The following ASXL3 variants were observed in gnomAD, a reference collection of about 807,000 sequenced individuals.
ASXL3 encodes putative Polycomb group protein ASXL3.
A neutral mutation model predicts 170.6 loss-of-function variants in ASXL3; 34 were observed. The ratio of observed to expected loss-of-function variants is 0.20; its 90% CI spans 0.15 to 0.27. The LOEUF (loss-of-function observed/expected upper bound fraction) is 0.27, where lower values mean the gene tolerates loss of function less well. Ranked by LOEUF, ASXL3 falls within the 10% of genes least tolerant of loss-of-function variation. The probability of loss-of-function intolerance (pLI) is 1.00; values close to 1 mark genes in which losing one functional copy is unlikely to be tolerated. For synonymous variants in ASXL3, 1,002 were observed against 989.1 expected, an observed-to-expected ratio of 1.01 and a Z score of -0.24; for missense variants, 2,592 against 2,695.3, an observed-to-expected ratio of 0.96 and a Z score of 0.85.
In ASXL3 at chr18:33,747,143, G is replaced by A. The variant is rs1274595760; in HGVS notation, c.*548G>A. ...CTATCACAAAAGATATATTAAAGGA[G>A]GTATGCCATTAATGAAATCCACTGT... On this transcript the variant is annotated 3_prime_UTR_variant, in exon 12 of 12. Coordinates refer to ENST00000269197, the MANE Select transcript of ASXL3 (RefSeq NM_030632.3). 1.3e-5 allele frequency: 2 copies of A among 152,244 alleles called. No homozygotes were observed. Among genetic ancestry groups the A allele is most frequent in the Non-Finnish European group, 2.9e-5 (2 of 68,096 alleles). The allele number at this position is 152,244 out of a possible 1,614,324, so 9.4% of individuals were successfully genotyped here.
In ASXL3 at chr18:33,744,354, C is replaced by A; in HGVS notation, c.4506C>A (p.Gly1502=). 3 of 1,613,960 alleles carry A rather than the reference C, an allele frequency of 1.9e-6. No homozygotes were observed. The highest frequency in any genetic ancestry group is 2.5e-6 in the Non-Finnish European group (3 of 1,179,870). The change falls in exon 12 of 12, where the codon GGC becomes GGA. Residue 1502 remains glycine (G), a synonymous_variant. Coordinates refer to ENST00000269197, the MANE Select transcript of ASXL3 (RefSeq NM_030632.3). ...CAGAAGCCAGCTTGGACCTGCAGGG[C>A]AGACCAGTGAGGACAGAGGCATCCG... ...ESSEASLDLQ[G]RPVRTEASVQ...
At chr18:33,741,807 A>G (rs886953078) in intron 11 of ASXL3, among the ~76,000 whole-genome samples, 8 of 152,180 alleles carry the variant, frequency 5.3e-5, no homozygotes, top group African/African-American at 1.9e-4. Flanking sequence ...TCCCAAGGCA[A>G]ACTACTTTAC....
At chr18:33,729,287 T>A (rs765316643) in intron 8 of ASXL3, among the ~76,000 whole-genome samples, 11 of 151,896 alleles carry the variant, frequency 7.2e-5, no homozygotes, top group South Asian at 2.1e-4. Context: ...AGCAGGAGAG[T>A]GAAGCATTTT....
chr18:33,735,962 A>C (rs559513541), intron 10 of ASXL3, among the ~76,000 whole-genome samples: 16 of 151,360 alleles, frequency 1.1e-4, no homozygotes, highest in African/African-American at 3.9e-4. Flanking sequence ...ATAATCATTG[A>C]GTATACACTG....
Position 33,739,514 on chromosome 18 carries a change from G to C in ASXL3, c.2110G>C (p.Ala704Pro). The C allele has an allele frequency of 6.2e-7, 1 of 1,613,868 alleles. No individual in the cohort carries two copies. The change falls in exon 11 of 12, where the codon GCA (alanine) becomes CCA (proline). Residue 704 changes from alanine (A) to proline (P), a missense_variant. By Grantham distance (27) the Ala-to-Pro change is conservative. This residue lies in a region of ASXL3 where 2,246 missense variants were observed against 2,219.6 expected (regional missense o/e 1.01). Coordinates refer to ENST00000269197, the MANE Select transcript of ASXL3 (RefSeq NM_030632.3). Reference protein sequence around the residue: ...LMSNLPLTSEASPVSNLPLTS... With the variant: ...LMSNLPLTSEPSPVSNLPLTS... The stretch of plus-strand genomic sequence containing the variant: ...GTCCAACTTACCATTAACATCTGAA[G>C]CATCACCAGTATCCAACTTACCTTT...
Position 33,745,313 on chromosome 18 carries a change from A to C in ASXL3, c.5465A>C (p.Lys1822Thr), listed in dbSNP as rs2067760241. 2.5e-6 allele frequency: 4 copies of C among 1,613,860 alleles called. No individual in the cohort carries two copies. The South Asian group carries it at 4.4e-5, about 18-fold the overall frequency. The change falls in exon 12 of 12, where the codon AAG becomes ACG. Residue 1822 changes from lysine to threonine, a missense_variant. Lys to Thr is a moderately conservative substitution (Grantham distance 78, BLOSUM62 -1). Around this residue, in one of 4 missense-constraint regions of ASXL3, gnomAD observed 2,246 missense variants for 2,219.6 expected, o/e 1.01. Coordinates refer to ENST00000269197, the MANE Select transcript of ASXL3 (RefSeq NM_030632.3). ...ACTCTGGCACCACTCCAAATGAGAA[A>C]GCGAGAAAACCACCCCAAAAAGAGA... ...AGTLAPLQMR[K>T]RENHPKKRVA... is the part of the protein sequence containing the mutation.
chr18:33,677,786 A>G (rs1428151149), intron 7 of ASXL3, among the ~76,000 whole-genome samples: 1 of 152,208 alleles, frequency 6.6e-6, no homozygotes, highest in African/African-American at 2.4e-5. Context: ...TGTGAAGACT[A>G]CGTGGATTCA....
intron 8 of ASXL3, among the ~76,000 whole-genome samples, chr18:33,728,984 G>T (rs992524610): frequency 2.6e-5 from 4 of 152,130 alleles, no homozygotes; most frequent in African/African-American, 9.7e-5. Context: ...AACTGAGGGG[G>T]AAACTTGGAC....
chr18:33,699,130 A>G (rs1281493210), intron 8 of ASXL3, among the ~76,000 whole-genome samples: 1 of 152,166 alleles, frequency 6.6e-6, no homozygotes, highest in African/African-American at 2.4e-5. Context: ...AGGGAGAGAT[A>G]CATATATAGG....
At chr18:33,680,822 T>C (rs1475668891) in intron 7 of ASXL3, among the ~76,000 whole-genome samples, 1 of 151,962 alleles carries the variant, frequency 6.6e-6, no homozygotes, top group Non-Finnish European at 1.5e-5. Context: ...TATTGTTCAT[T>C]TTCTAAATTT....
rs201913814 is a variant in ASXL3 at position 33,644,560 on chromosome 18, A to AC, written c.138-334_138-333insC. Reference sequence around the variant, plus strand: ...GCTAAGGCTTCATGGTGTTATTTGTAAAATAACACCACATAAGTATTTGGG... The same window carrying AC: ...GCTAAGGCTTCATGGTGTTATTTGTACAAATAACACCACATAAGTATTTGGG... On this transcript the variant is annotated intron_variant, in intron 2 of 11. Coordinates refer to ENST00000269197, the MANE Select transcript of ASXL3 (RefSeq NM_030632.3). Among the ~76,000 whole-genome samples the AC allele has an allele frequency of 9.8e-3, 1,480 of 150,616 alleles. 19 individuals carry two copies. The highest frequency in any genetic ancestry group is 0.014 in the Non-Finnish European group (956 of 67,616).
chr18:33,695,764 G>T lies in ASXL3; in HGVS notation c.879+12196G>T, dbSNP rs887602701. ...AGCCACTTTCTTTCTCTTTTGTACA[G>T]GCTACTAAGTGGCAGCTTCATAGCC... On this transcript the variant is annotated intron_variant, in intron 8 of 11. Coordinates refer to ENST00000269197, the MANE Select transcript of ASXL3 (RefSeq NM_030632.3). 2.0e-5 allele frequency among the ~76,000 whole-genome samples: 3 copies of T among 152,030 alleles called. No homozygotes were observed. The East Asian group carries it at 5.8e-4, about 29-fold the overall frequency.
intron 5 of ASXL3, among the ~76,000 whole-genome samples, chr18:33,669,499 A>C (rs907065196): frequency 6.6e-6 from 1 of 152,236 alleles, no homozygotes; most frequent in African/African-American, 2.4e-5. Context: ...TGTCTGCATA[A>C]TTTAAATGCT....
chr18:33,594,123 T>C (rs1001506335), intron 1 of ASXL3, among the ~76,000 whole-genome samples: 5 of 152,206 alleles, frequency 3.3e-5, no homozygotes, highest in Non-Finnish European at 7.3e-5. Context: ...CCTTGTGGGC[T>C]TAAATCCTAC....
At chr18:33,732,763 G>A (rs1482848807) in intron 9 of ASXL3, among the ~76,000 whole-genome samples, 2 of 151,714 alleles carry the variant, frequency 1.3e-5, no homozygotes, top group Non-Finnish European at 2.9e-5. Context: ...GTCTAAAGTG[G>A]ATGGATCACC....
intron 4 of ASXL3, among the ~76,000 whole-genome samples, chr18:33,651,287 C>T (rs1568305309): frequency 6.6e-6 from 1 of 152,120 alleles, no homozygotes; most frequent in Non-Finnish European, 1.5e-5. Flanking sequence ...CTTGCTTACT[C>T]TGTGTCTAAT....
chr18:33,597,940 G>T (rs1473665769), intron 1 of ASXL3, among the ~76,000 whole-genome samples: 1 of 152,102 alleles, frequency 6.6e-6, no homozygotes, highest in Non-Finnish European at 1.5e-5. Context: ...TTATGTATTA[G>T]CTGCTCTTAT....
intron 1 of ASXL3, among the ~76,000 whole-genome samples, chr18:33,601,662 A>G (rs1202125886): frequency 6.6e-6 from 1 of 151,858 alleles, no homozygotes; most frequent in Non-Finnish European, 1.5e-5. Flanking sequence ...CATGAGGTTT[A>G]CAGTGAGCAG....
chr18:33,601,653 A>G (rs920242078), intron 1 of ASXL3, among the ~76,000 whole-genome samples: 1 of 151,878 alleles, frequency 6.6e-6, no homozygotes, highest in Non-Finnish European at 1.5e-5. Context: ...CCAGGATTAC[A>G]TGAGGTTTAC....
Sources: gnomAD v4.1 joint callset for allele counts (sites outside exome capture counted in the v4.1 genomes callset) on GRCh38, gnomAD v4.1.1 for gene constraint, gnomAD v4.1.1 regional missense constraint, MANE v1.5 for transcripts, NCBI Gene and HGNC (gene_info 2026-07-23, HGNC 2026-07-21) for gene names.